INTS9: variants seen among roughly 807,000 people sequenced by gnomAD.
INTS9 encodes the protein integrator complex subunit 9, also known as protein related to CPSF subunits of 74 kDa.
A neutral mutation model predicts 79.7 loss-of-function variants in INTS9; 55 were observed. The ratio of observed to expected loss-of-function variants is 0.69; its 90% CI spans 0.56 to 0.86. INTS9 has a LOEUF of 0.86. Among genes scored for constraint, INTS9 ranks in the 40% least tolerant of loss-of-function variants. INTS9 has a pLI of 0.00. For synonymous variants in INTS9, 319 were observed against 325.2 expected (o/e 0.98, Z 0.20); for missense variants, 721 against 831.5 (o/e 0.87, Z 1.64).
At chr8:28,795,941 C>T (rs2130966161) in intron 9 of INTS9, among the ~76,000 whole-genome samples, 1 of 152,324 alleles carries the variant, frequency 6.6e-6, no homozygotes, top group South Asian at 2.1e-4. Flanking sequence ...GTAGAAAATG[C>T]CCCATACCTC....
intron 3 of INTS9, among the ~76,000 whole-genome samples, chr8:28,847,748 G>A (rs1221186953): frequency 6.6e-6 from 1 of 152,206 alleles, no homozygotes; most frequent in African/African-American, 2.4e-5. Flanking sequence ...TTATATGGGA[G>A]GTGCTGAGAA....
chr8:28,802,814 G>A (rs1804595368), intron 8 of INTS9, among the ~76,000 whole-genome samples: 2 of 151,978 alleles, frequency 1.3e-5, no homozygotes, highest in Non-Finnish European at 2.9e-5. Context: ...TTCTATTATA[G>A]ATAAGTTTCT....
rs575240066 is a variant in INTS9, at chr8:28,805,957, G to A, written c.744+6370C>T. Among the ~76,000 whole-genome samples, 36 of 152,062 alleles carry A rather than the reference G, an allele frequency of 2.4e-4. 1 individual carries two copies. The highest frequency in any genetic ancestry group is 1.5e-4 in the Non-Finnish European group (10 of 68,010). On this transcript the variant is annotated intron_variant, in intron 8 of 16. Transcript: ENST00000521022. ...TAAAAAAAAAATCCCGGCCAAGCAC[G>A]GTGGCTCATGCCTGTAATCCCAGCA...
intron 4 of INTS9, 39 bp from the exon 5 acceptor site, chr8:28,837,815 G>T: frequency 1.3e-6 from 2 of 1,567,858 alleles, no homozygotes; most frequent in South Asian, 1.2e-5. Flanking sequence ...ATCTGTTCAG[G>T]GATCGATCAA....
chr8:28,876,584 T>A (rs1406875557), intron 1 of INTS9, among the ~76,000 whole-genome samples: 3 of 152,126 alleles, frequency 2.0e-5, no homozygotes, highest in Non-Finnish European at 4.4e-5. Flanking sequence ...TTAAAAAGAA[T>A]GCCCACTCTA....
chr8:28,849,544 A>T lies in INTS9; in HGVS notation c.198+669T>A, dbSNP rs143250670. Among the ~76,000 whole-genome samples, 476 of 152,122 alleles carry T rather than the reference A, an allele frequency of 3.1e-3. 10 individuals carry two copies. The highest frequency in any genetic ancestry group is 0.02 in the East Asian group (106 of 5,174). On this transcript the variant is annotated intron_variant, in intron 3 of 16. Transcript: ENST00000521022. ...ATTGTCCATTCTAGGCTATCAGGAC[A>T]GGTTGAAACGGGATCACAGATCATA...
chr8:28,787,228 T>C (rs533993492), intron 11 of INTS9, among the ~76,000 whole-genome samples: 2 of 152,202 alleles, frequency 1.3e-5, no homozygotes, highest in Admixed American at 6.5e-5. Context: ...CACCCATTTG[T>C]TCTGTGAGGG....
chr8:28,795,761 G>A (rs1001554675), intron 9 of INTS9, among the ~76,000 whole-genome samples: 3 of 151,306 alleles, frequency 2.0e-5, no homozygotes, highest in East Asian at 1.9e-4. Flanking sequence ...ATGCTGGCAC[G>A]CTAATCTCAG....
At chr8:28,791,555 C>T (rs928709464) in intron 10 of INTS9, among the ~76,000 whole-genome samples, 2 of 152,180 alleles carry the variant, frequency 1.3e-5, no homozygotes, top group Non-Finnish European at 2.9e-5. Flanking sequence ...TCCAGAATGC[C>T]TTTCTTAACC....
chr8:28,860,001 C>A (rs190603155), intron 1 of INTS9, among the ~76,000 whole-genome samples: 1 of 151,868 alleles, frequency 6.6e-6, no homozygotes, highest in African/African-American at 2.4e-5. Flanking sequence ...AAATAAGTGA[C>A]CTTCCTCAAA....
intron 10 of INTS9, among the ~76,000 whole-genome samples, chr8:28,792,938 G>T (rs886448135): frequency 3.4e-5 from 5 of 146,894 alleles, no homozygotes; most frequent in Non-Finnish European, 6.0e-5. Flanking sequence ...TGACAAAGAA[G>T]AATAATTTGT....
intron 1 of INTS9, among the ~76,000 whole-genome samples, chr8:28,868,733 C>T (rs1808899440): frequency 6.6e-6 from 1 of 152,228 alleles, no homozygotes; most frequent in South Asian, 2.1e-4. Flanking sequence ...ATTATTCCAC[C>T]ATTTCACTGG....
At chr8:28,882,028 G>GA (rs1407766201) in intron 1 of INTS9, among the ~76,000 whole-genome samples, 14 of 143,558 alleles carry the variant, frequency 9.8e-5, no homozygotes, top group Admixed American at 2.7e-4. Flanking sequence ...GAAGGGTGGG[G>GA]AAAAAATTGA....
chr8:28,788,728 T>C (rs1803759640), intron 10 of INTS9, among the ~76,000 whole-genome samples: 1 of 152,224 alleles, frequency 6.6e-6, no homozygotes, highest in Non-Finnish European at 1.5e-5. Context: ...CCTCACACTC[T>C]TTTTAACAGC....
At position 28,768,175 on chromosome 8, in the gene INTS9, G is replaced by C. The variant is rs1461569912; in HGVS notation, c.1948C>G (p.Leu650Val). ...DEMLRVRLRD[L>V]VLKFLQKF ...AACTTCTGTAAGAATTTGAGGACAA[G>C]GTCCCGCAGTCGCACTCTGAGCATC... is the stretch of plus-strand genomic sequence containing the variant. The change falls in exon 17 of 17, where the codon CTT becomes GTT. Residue 650 changes from leucine (L) to valine (V), a missense_variant. By Grantham distance (32) the Leu-to-Val change is conservative (BLOSUM62 1). This residue lies in a region of INTS9 where 281 missense variants were observed against 300.8 expected (regional missense o/e 0.93). Coordinates refer to ENST00000521022, the MANE Select transcript of INTS9 (RefSeq NM_018250.4). 6.2e-7 allele frequency: 1 copy of C among 1,614,174 alleles called. No homozygotes were observed. The highest frequency in any genetic ancestry group is 8.5e-7 in the Non-Finnish European group (1 of 1,180,044).
intron 7 of INTS9, 106 bp from the exon 8 acceptor site, chr8:28,812,567 A>C: frequency 8.0e-7 from 1 of 1,254,622 alleles, no homozygotes; most frequent in Non-Finnish European, 1.1e-6. Context: ...TAAAAACAAA[A>C]ATTATTTTAA....
At position 28,771,198 on chromosome 8, in the gene INTS9, A is replaced by G. The variant is rs996082551; in HGVS notation, c.1564-118T>C. 7 of 673,368 alleles carry G rather than the reference A, an allele frequency of 1.0e-5. No homozygotes were observed. In the Admixed American group the frequency reaches 1.2e-4, roughly 11 times the overall value. The allele number at this position is 673,368 out of a possible 1,614,324, so 41.7% of individuals were successfully genotyped here. A position where few individuals can be genotyped will look rare whatever the true frequency, so the allele number is the denominator to read the frequency against. On this transcript the variant is annotated intron_variant, in intron 14 of 16. Coordinates refer to ENST00000521022, the MANE Select transcript of INTS9 (RefSeq NM_018250.4). ...GATGAAATAACTTTAAAGGTAAACA[A>G]TTTTTTTTTTTTTGAGATGGAGTCT...
rs1434830313 is a variant in INTS9 at position 28,813,589 on chromosome 8, T to G, written c.512A>C (p.Asp171Ala). 1 of 1,613,904 alleles carries G rather than the reference T, an allele frequency of 6.2e-7. No individual in the cohort carries two copies. The highest frequency in any genetic ancestry group is 8.5e-7 in the Non-Finnish European group (1 of 1,179,822). Residue 171 changes from aspartate to alanine, a missense_variant, in exon 7 of 17, where the codon GAT (aspartate) becomes GCT (alanine). Transcript: ENST00000521022. The part of the protein sequence containing the change: ...IQRLLPSPLK[D>A]AVEVSTWRRC... ...TCTCCAGGTTGAGACTTCCACTGCA[T>G]CCTTGAGAGGAGAAGGTAACAGCCT...
rs558043197 is a variant in INTS9 at position 28,851,562 on chromosome 8, C to T, written c.138-1289G>A. 3.2e-4 allele frequency among the ~76,000 whole-genome samples: 48 copies of T among 151,982 alleles called. No individual in the cohort carries two copies. In the South Asian group the frequency reaches 7.3e-3, roughly 23 times the overall value. ...ACGCCATTCTCCTGCCTCAGCCTCC[C>T]GAGTAGCTGGGACTACAGGTGCCCG... On this transcript the variant is annotated intron_variant, in intron 2 of 16. Coordinates refer to ENST00000521022, the MANE Select transcript of INTS9 (RefSeq NM_018250.4).
Sources: allele counts gnomAD v4.1 joint callset (sites outside exome capture counted in the v4.1 genomes callset), GRCh38; gene constraint gnomAD v4.1.1; regional missense constraint gnomAD v4.1.1; transcripts MANE v1.5; gene names NCBI Gene and HGNC (gene_info 2026-07-23, HGNC 2026-07-21).